KCNIP4: variants seen among roughly 807,000 people sequenced by gnomAD.
KCNIP4 encodes Kv channel-interacting protein 4.
A neutral mutation model predicts 34.0 loss-of-function variants in KCNIP4; 12 were observed. The ratio of observed to expected loss-of-function variants is 0.35; its 90% CI spans 0.23 to 0.57. The LOEUF (loss-of-function observed/expected upper bound fraction) is 0.57, where lower values mean the gene tolerates loss of function less well. Ranked by LOEUF, KCNIP4 falls within the 20% of genes least tolerant of loss-of-function variation. The pLI is 0.83. For synonymous variants in KCNIP4, 124 were observed against 102.2 expected, an observed-to-expected ratio of 1.21 and a Z score of -1.29; for missense variants, 238 against 311.7, an observed-to-expected ratio of 0.76 and a Z score of 1.78.
intron 3 of KCNIP4, among the ~76,000 whole-genome samples, chr4:20,761,152 T>C (rs1291986851): frequency 6.6e-6 from 1 of 152,106 alleles, no homozygotes; most frequent in Non-Finnish European, 1.5e-5. Context: ...ATCTGTAATA[T>C]TGGCTTCCCT....
At chr4:20,874,014 T>C (rs1257589545) in intron 2 of KCNIP4, among the ~76,000 whole-genome samples, 1 of 152,204 alleles carries the variant, frequency 6.6e-6, no homozygotes, top group African/African-American at 2.4e-5. Context: ...ATTTCACCAG[T>C]ATCACTACAG....
chr4:21,735,063 T>G (rs1473101462), intron 1 of KCNIP4, among the ~76,000 whole-genome samples: 1 of 152,116 alleles, frequency 6.6e-6, no homozygotes, highest in Non-Finnish European at 1.5e-5. Flanking sequence ...AGTACCATGT[T>G]AAGTCCTGAG....
At position 21,751,564 on chromosome 4, in the gene KCNIP4, C is replaced by T. The variant is rs140865024; in HGVS notation, c.61+197007G>A. Among the ~76,000 whole-genome samples, 188 of 152,244 alleles carry T rather than the reference C, an allele frequency of 1.2e-3. 1 individual carries two copies. The highest frequency in any genetic ancestry group is 4.3e-3 in the African/African-American group (178 of 41,552). On this transcript the variant is annotated intron_variant, in intron 1 of 8. Coordinates refer to ENST00000382152, the MANE Select transcript of KCNIP4 (RefSeq NM_025221.6). The stretch of plus-strand genomic sequence containing the variant: ...AATTGTTGAAGCTAGGTAAAGGGTG[C>T]ATAAGCTCTATTGTACTATTCAGTT...
intron 1 of KCNIP4, among the ~76,000 whole-genome samples, chr4:21,796,123 T>G (rs1369642587): frequency 6.6e-6 from 1 of 152,118 alleles, no homozygotes. Flanking sequence ...CTCTGTGGTT[T>G]AGCTCTTATA....
intron 1 of KCNIP4, among the ~76,000 whole-genome samples, chr4:21,104,438 GTTGT>G (rs1271646156): frequency 1.3e-5 from 2 of 152,084 alleles, no homozygotes; most frequent in Non-Finnish European, 2.9e-5. Context: ...TTTTGATGGG[GTTGT>G]TTGTTTTTTT....
intron 1 of KCNIP4, among the ~76,000 whole-genome samples, chr4:20,958,959 G>A (rs1733591847): frequency 6.6e-6 from 1 of 152,168 alleles, no homozygotes; most frequent in Non-Finnish European, 1.5e-5. Flanking sequence ...ACAGCTGTGA[G>A]ATGTCAAGCA....
At chr4:21,219,523 G>T (rs886787832) in intron 1 of KCNIP4, among the ~76,000 whole-genome samples, 1 of 152,304 alleles carries the variant, frequency 6.6e-6, no homozygotes, top group Non-Finnish European at 1.5e-5. Flanking sequence ...AAAGTAAGAG[G>T]TCAAATAGCC....
intron 1 of KCNIP4, among the ~76,000 whole-genome samples, chr4:21,912,807 A>G (rs1728413159): frequency 6.7e-6 from 1 of 149,546 alleles, no homozygotes; most frequent in Non-Finnish European, 1.5e-5. Context: ...TATATGTTTT[A>G]TATAATATAA....
At chr4:20,774,978 C>T (rs141059249) in intron 3 of KCNIP4, among the ~76,000 whole-genome samples, 159 of 152,292 alleles carry the variant, frequency 1.0e-3, no homozygotes, top group African/African-American at 3.6e-3. Flanking sequence ...CAATCCCAAT[C>T]GCATTCTAAA....
At chr4:20,753,545 G>A (rs1197875733) in intron 4 of KCNIP4, among the ~76,000 whole-genome samples, 1 of 152,134 alleles carries the variant, frequency 6.6e-6, no homozygotes, top group African/African-American at 2.4e-5. Context: ...CCCCAGGTTT[G>A]TAGAATGAAA....
At chr4:20,892,639 C>T (rs1160776148) in intron 1 of KCNIP4, among the ~76,000 whole-genome samples, 1 of 152,086 alleles carries the variant, frequency 6.6e-6, no homozygotes, top group Non-Finnish European at 1.5e-5. Flanking sequence ...TGACTGTGTT[C>T]TTAACAAAAC....
At chr4:21,930,908 T>G (rs757000020) in intron 1 of KCNIP4, among the ~76,000 whole-genome samples, 1 of 152,172 alleles carries the variant, frequency 6.6e-6, no homozygotes, top group African/African-American at 2.4e-5. Context: ...TGTGATGGTT[T>G]ATTAATTCAA....
intron 1 of KCNIP4, among the ~76,000 whole-genome samples, chr4:21,393,535 C>T (rs2109523588): frequency 6.6e-6 from 1 of 152,202 alleles, no homozygotes; most frequent in Non-Finnish European, 1.5e-5. Flanking sequence ...CACGGGAAAT[C>T]TGTGATGCAA....
At chr4:21,238,599 G>A (rs1577941764) in intron 1 of KCNIP4, among the ~76,000 whole-genome samples, 1 of 152,074 alleles carries the variant, frequency 6.6e-6, no homozygotes, top group Non-Finnish European at 1.5e-5. Context: ...GACAAACAGA[G>A]CCAAATCATG....
chr4:20,816,596 G>A (rs1716418325), intron 3 of KCNIP4, among the ~76,000 whole-genome samples: 1 of 152,204 alleles, frequency 6.6e-6, no homozygotes, highest in Non-Finnish European at 1.5e-5. Context: ...AGGAAACTGA[G>A]TAGTTACCAA....
At chr4:20,988,000 CAAAAAAAAAAA>C (rs36044149) in intron 1 of KCNIP4, among the ~76,000 whole-genome samples, 3 of 46,318 alleles carry the variant, frequency 6.5e-5, no homozygotes, top group African/African-American at 2.5e-4. Flanking sequence ...GATTCCATCT[CAAAAAAAAAAA>C]AAAAAAAAAA....
intron 1 of KCNIP4, among the ~76,000 whole-genome samples, chr4:20,963,200 G>A (rs936387161): frequency 5.3e-5 from 8 of 151,746 alleles, no homozygotes; most frequent in African/African-American, 1.7e-4. Flanking sequence ...GGTGACACAC[G>A]CCTGTAGTCC....
intron 1 of KCNIP4, among the ~76,000 whole-genome samples, chr4:21,814,311 A>T (rs776733987): frequency 5.9e-5 from 9 of 152,142 alleles, no homozygotes; most frequent in Non-Finnish European, 1.2e-4. Flanking sequence ...TCTTATCTTA[A>T]ATTGTAGCTC....
chr4:21,114,552 A>G (rs1274080467), intron 1 of KCNIP4, among the ~76,000 whole-genome samples: 1 of 152,182 alleles, frequency 6.6e-6, no homozygotes, highest in Admixed American at 6.5e-5. Context: ...AAACTTTACT[A>G]CATTCTCATC....
Sources: allele counts gnomAD v4.1 joint callset (sites outside exome capture counted in the v4.1 genomes callset), GRCh38; gene constraint gnomAD v4.1.1; transcripts MANE v1.5; gene names NCBI Gene and HGNC (gene_info 2026-07-23, HGNC 2026-07-21).